Variants in AGBL4 observed in about 807,000 individuals in gnomAD.
AGBL4 encodes the protein AGBL carboxypeptidase 4.
In AGBL4, 58 loss-of-function variants were observed where a neutral mutation model predicts 66.4. The observed-to-expected ratio is 0.87, with a 90% CI of 0.71 to 1.09. AGBL4 has a LOEUF of 1.09. Among genes scored for constraint, AGBL4 ranks in the 50% least tolerant of loss-of-function variants. The pLI is 0.00. For missense variants in AGBL4, 579 were observed against 631.0 expected (o/e 0.92, Z 0.88); for synonymous variants, 234 against 222.9 (o/e 1.05, Z -0.44).
At chr1:49,414,482 A>G (rs184152273) in intron 3 of AGBL4, among the ~76,000 whole-genome samples, 1 of 152,354 alleles carries the variant, frequency 6.6e-6, no homozygotes, top group Admixed American at 6.5e-5. Context: ...GAAATTATCC[A>G]TAATGAGGAA....
intron 5 of AGBL4, among the ~76,000 whole-genome samples, chr1:48,964,726 AAAAT>A: frequency 6.6e-6 from 1 of 152,128 alleles, no homozygotes; most frequent in Non-Finnish European, 1.5e-5. Flanking sequence ...CTCCAAAGTG[AAAAT>A]AAATAAATAC....
intron 1 of AGBL4, among the ~76,000 whole-genome samples, chr1:49,877,338 T>C (rs897804664): frequency 6.6e-6 from 1 of 152,012 alleles, no homozygotes; most frequent in South Asian, 2.1e-4. Context: ...GTCCCATCAA[T>C]ACCTAATTTA....
At chr1:48,893,534 A>C (rs1022763636) in intron 5 of AGBL4, among the ~76,000 whole-genome samples, 4 of 151,708 alleles carry the variant, frequency 2.6e-5, no homozygotes, top group African/African-American at 9.7e-5. Context: ...ACAAAAAAAA[A>C]ATTAGCTGGG....
chr1:49,536,397 G>T (rs980540405), intron 3 of AGBL4, among the ~76,000 whole-genome samples: 3 of 151,762 alleles, frequency 2.0e-5, no homozygotes, highest in Non-Finnish European at 4.4e-5. Context: ...TGTGTGTTGG[G>T]GTCATGAAAT....
intron 1 of AGBL4, among the ~76,000 whole-genome samples, chr1:50,007,390 G>A (rs1405925849): frequency 6.6e-6 from 1 of 152,096 alleles, no homozygotes; most frequent in Non-Finnish European, 1.5e-5. Flanking sequence ...GAATATAAAT[G>A]GACTAAACTC....
chr1:49,957,980 T>C (rs1656773859), intron 1 of AGBL4, among the ~76,000 whole-genome samples: 1 of 152,104 alleles, frequency 6.6e-6, no homozygotes, highest in Non-Finnish European at 1.5e-5. Flanking sequence ...TTTGGCATGT[T>C]TTTGCAGTGG....
intron 6 of AGBL4, among the ~76,000 whole-genome samples, chr1:48,838,695 A>G (rs1294359712): frequency 6.6e-6 from 1 of 152,206 alleles, no homozygotes; most frequent in Non-Finnish European, 1.5e-5. Flanking sequence ...ATGGGATTAC[A>G]TGAAGCTAAA....
chr1:49,254,147 G>A (rs1363489704), intron 3 of AGBL4, among the ~76,000 whole-genome samples: 1 of 152,094 alleles, frequency 6.6e-6, no homozygotes, highest in Non-Finnish European at 1.5e-5. Context: ...ATTCAACATA[G>A]TATTGTAAAA....
intron 4 of AGBL4, among the ~76,000 whole-genome samples, chr1:49,204,713 G>A (rs1557726986): frequency 6.6e-6 from 1 of 151,962 alleles, no homozygotes; most frequent in Non-Finnish European, 1.5e-5. Context: ...CATTTTATGG[G>A]TAAGGACAAA....
intron 6 of AGBL4, among the ~76,000 whole-genome samples, chr1:48,776,223 GA>G (rs1023408277): frequency 6.6e-6 from 1 of 152,194 alleles, no homozygotes; most frequent in African/African-American, 2.4e-5. Context: ...AGAACAGAGG[GA>G]AGGAACTGGG....
chr1:48,992,326 T>G (rs1660659856), intron 5 of AGBL4, among the ~76,000 whole-genome samples: 1 of 151,774 alleles, frequency 6.6e-6, no homozygotes, highest in Non-Finnish European at 1.5e-5. Flanking sequence ...AGACTCTTGT[T>G]CTCTTCCTTC....
At chr1:49,036,343 A>T (rs1279019508) in intron 5 of AGBL4, among the ~76,000 whole-genome samples, 1 of 152,152 alleles carries the variant, frequency 6.6e-6, no homozygotes, top group African/African-American at 2.4e-5. Context: ...TCTGCTGTAC[A>T]TGCTTAGATT....
At chr1:49,167,640 A>G (rs561475981) in intron 4 of AGBL4, among the ~76,000 whole-genome samples, 15 of 152,362 alleles carry the variant, frequency 9.8e-5, no homozygotes, top group African/African-American at 3.1e-4. Flanking sequence ...ACCATTATAT[A>G]CAAAGGTAGA....
intron 1 of AGBL4, among the ~76,000 whole-genome samples, chr1:49,970,964 G>A (rs1014454758): frequency 3.9e-5 from 6 of 152,098 alleles, no homozygotes; most frequent in African/African-American, 1.4e-4. Context: ...AGTGTTATTT[G>A]CCTTTTATCT....
intron 4 of AGBL4, among the ~76,000 whole-genome samples, chr1:49,057,299 T>C (rs1644325364): frequency 6.6e-6 from 1 of 152,064 alleles, no homozygotes; most frequent in South Asian, 2.1e-4. Flanking sequence ...GAACCTATAG[T>C]CCCAGCTACT....
At chr1:49,515,590 T>C (rs2148792098) in intron 3 of AGBL4, among the ~76,000 whole-genome samples, 1 of 151,778 alleles carries the variant, frequency 6.6e-6, no homozygotes, top group Admixed American at 6.6e-5. Context: ...CATGCACACA[T>C]ATGTTTATTG....
chr1:49,668,165 T>A (rs956371098), intron 3 of AGBL4, among the ~76,000 whole-genome samples: 2 of 152,214 alleles, frequency 1.3e-5, no homozygotes, highest in African/African-American at 4.8e-5. Flanking sequence ...GAAACAAGGC[T>A]AGAACTTAAC....
chr1:49,460,235 G>T (rs1250615522), intron 3 of AGBL4, among the ~76,000 whole-genome samples: 1 of 151,584 alleles, frequency 6.6e-6, no homozygotes, highest in African/African-American at 2.4e-5. Flanking sequence ...CATTTCTTAG[G>T]TCTAGTAGTA....
At chr1:49,965,973 G>C (rs1320084634) in intron 1 of AGBL4, among the ~76,000 whole-genome samples, 2 of 139,212 alleles carry the variant, frequency 1.4e-5, no homozygotes, top group Middle Eastern at 3.9e-3. Context: ...ACGGAGTCTC[G>C]CTCTGTCACC....
Sources: allele counts gnomAD v4.1 joint callset (sites outside exome capture counted in the v4.1 genomes callset), GRCh38; gene constraint gnomAD v4.1.1; transcripts MANE v1.5; gene names NCBI Gene and HGNC (gene_info 2026-07-23, HGNC 2026-07-21).